Variants in NCKAP5 observed in about 807,000 individuals in gnomAD.
NCKAP5 encodes the protein nck-associated protein 5.
In NCKAP5, 92 loss-of-function variants were observed where a neutral mutation model predicts 167.0. The observed-to-expected ratio is 0.55, with a 90% confidence interval of 0.47 to 0.66. The LOEUF (loss-of-function observed/expected upper bound fraction) is 0.66, where lower values mean the gene tolerates loss of function less well. Among genes scored for constraint, NCKAP5 ranks in the 30% least tolerant of loss-of-function variants. The pLI, the probability that NCKAP5 is intolerant of heterozygous loss-of-function variation, is 0.00. For synonymous variants in NCKAP5, 891 were observed against 877.4 expected (o/e 1.02, Z -0.27); for missense variants, 2,378 against 2,315.0 (o/e 1.03, Z -0.56).
At chr2:132,824,007 A>C (rs1265801328) in intron 11 of NCKAP5, among the ~76,000 whole-genome samples, 2 of 152,216 alleles carry the variant, frequency 1.3e-5, no homozygotes, top group African/African-American at 2.4e-5. Flanking sequence ...ATATATATGC[A>C]CCTAACACTG....
chr2:132,774,154 G>A (rs1382828318), intron 15 of NCKAP5, among the ~76,000 whole-genome samples: 1 of 152,060 alleles, frequency 6.6e-6, no homozygotes, highest in East Asian at 1.9e-4. Context: ...CATTTCTGAA[G>A]GAGAGAATTT....
At chr2:133,643,619 C>T in the NCKAP5 span, among the ~76,000 whole-genome samples, 2 of 152,172 alleles carry the variant, frequency 1.3e-5, no homozygotes, top group East Asian at 3.9e-4. Flanking sequence ...ACCAATCTCC[C>T]TACCTCCAAT....
intron 6 of NCKAP5, among the ~76,000 whole-genome samples, chr2:133,091,864 G>A (rs1010567253): frequency 2.0e-5 from 3 of 152,162 alleles, no homozygotes; most frequent in African/African-American, 7.2e-5. Context: ...TCCAGCCTGG[G>A]TGACAAAGTG....
At position 133,167,559 on chromosome 2, in the gene NCKAP5, G is replaced by A. The variant is rs138970949; in HGVS notation, c.208-37448C>T. ...TAGAGCATCATTTTCAAGGTTAAGA[G>A]ACCTGCTTGAAGTAGTATATAATGA... On this transcript the variant is annotated intron_variant, in intron 5 of 19. Coordinates refer to ENST00000409261, the MANE Select transcript of NCKAP5 (RefSeq NM_207363.3). Among the ~76,000 whole-genome samples, 552 of 152,204 alleles carry A rather than the reference G, an allele frequency of 3.6e-3. 1 individual carries two copies. The highest frequency in any genetic ancestry group is 6.8e-3 in the Middle Eastern group (2 of 292).
chr2:133,513,960 G>A (rs535348014), intron 3 of NCKAP5, among the ~76,000 whole-genome samples: 6 of 152,258 alleles, frequency 3.9e-5, no homozygotes, highest in African/African-American at 1.4e-4. Context: ...ACAGCTACAT[G>A]GGCAGCCCGG....
intron 6 of NCKAP5, among the ~76,000 whole-genome samples, chr2:133,020,590 G>A (rs1446960975): frequency 1.3e-5 from 2 of 152,180 alleles, no homozygotes; most frequent in East Asian, 1.9e-4. Context: ...TGCTGGTTGG[G>A]GCACAGGATA....
At chr2:132,865,610 T>C (rs887200423) in intron 10 of NCKAP5, among the ~76,000 whole-genome samples, 2 of 152,322 alleles carry the variant, frequency 1.3e-5, no homozygotes, top group Middle Eastern at 3.4e-3. Flanking sequence ...TTATTCCCTG[T>C]GATCATAACC....
chr2:133,318,052 A>G (rs1288897864), intron 3 of NCKAP5, among the ~76,000 whole-genome samples: 1 of 152,228 alleles, frequency 6.6e-6, no homozygotes, highest in Non-Finnish European at 1.5e-5. Context: ...GTGGGAAAAC[A>G]GGAACTCCTG....
chr2:133,242,664 G>A (rs1022398009), intron 4 of NCKAP5, among the ~76,000 whole-genome samples: 1 of 152,202 alleles, frequency 6.6e-6, no homozygotes, highest in Non-Finnish European at 1.5e-5. Context: ...TTTCTTAGAA[G>A]ACAGCTCCAA....
chr2:133,056,409 TTAA>T (rs1559094364), intron 6 of NCKAP5, among the ~76,000 whole-genome samples: 1 of 152,144 alleles, frequency 6.6e-6, no homozygotes, highest in Non-Finnish European at 1.5e-5. Context: ...TAATAGTTAT[TTAA>T]TAATATTTAC....
At chr2:132,690,817 G>T (rs1686639025) in intron 19 of NCKAP5, among the ~76,000 whole-genome samples, 1 of 152,144 alleles carries the variant, frequency 6.6e-6, no homozygotes, top group Non-Finnish European at 1.5e-5. Flanking sequence ...TCTGTGTCCT[G>T]TGCTGTTCCT....
chr2:132,822,819 G>A (rs1350792789), intron 11 of NCKAP5, among the ~76,000 whole-genome samples: 1 of 151,978 alleles, frequency 6.6e-6, no homozygotes, highest in Non-Finnish European at 1.5e-5. Flanking sequence ...AATGGGAAAT[G>A]GATACAAAAT....
chr2:133,032,429 C>T (rs1442277198), intron 6 of NCKAP5, among the ~76,000 whole-genome samples: 1 of 152,168 alleles, frequency 6.6e-6, no homozygotes, highest in African/African-American at 2.4e-5. Context: ...GTCTGAGTGC[C>T]AGCTCAGCCA....
At chr2:132,720,474 G>C (rs530803048) in intron 19 of NCKAP5, among the ~76,000 whole-genome samples, 1 of 152,350 alleles carries the variant, frequency 6.6e-6, no homozygotes, top group South Asian at 2.1e-4. Flanking sequence ...CATTCAGTGT[G>C]TTGCAAACAA....
chr2:133,313,763 C>A (rs1207202399), intron 3 of NCKAP5, among the ~76,000 whole-genome samples: 1 of 151,874 alleles, frequency 6.6e-6, no homozygotes, highest in Non-Finnish European at 1.5e-5. Flanking sequence ...TAAAAAGTCA[C>A]CATAAAAATA....
At chr2:132,726,111 T>A (rs751609146) in intron 18 of NCKAP5, among the ~76,000 whole-genome samples, 3 of 152,242 alleles carry the variant, frequency 2.0e-5, no homozygotes, top group Non-Finnish European at 4.4e-5. Flanking sequence ...GTGCCTATTA[T>A]GAGCTGCTGT....
At chr2:132,899,344 G>A (rs1027152554) in intron 8 of NCKAP5, among the ~76,000 whole-genome samples, 20 of 152,354 alleles carry the variant, frequency 1.3e-4, no homozygotes, top group Middle Eastern at 3.4e-3. Context: ...AGGGAATGTC[G>A]TGGCTGGTTT....
At chr2:133,401,216 C>T (rs892397830) in intron 3 of NCKAP5, among the ~76,000 whole-genome samples, 15 of 152,224 alleles carry the variant, frequency 9.9e-5, no homozygotes, top group African/African-American at 3.4e-4. Flanking sequence ...CATTGAGGTT[C>T]TGGCAGGTTG....
chr2:132,965,904 T>TTGTGTGTG (rs60589235), intron 7 of NCKAP5, among the ~76,000 whole-genome samples: 1,601 of 140,938 alleles, frequency 0.011, 35 homozygotes, highest in African/African-American at 0.04. Context: ...ACATGACTCT[T>TTGTGTGTG]TGTGTGTGTG....
Sources: gnomAD v4.1 joint callset for allele counts (sites outside exome capture counted in the v4.1 genomes callset) on GRCh38, gnomAD v4.1.1 for gene constraint, MANE v1.5 for transcripts, NCBI Gene and HGNC (gene_info 2026-07-23, HGNC 2026-07-21) for gene names.